PFKFB3: variants seen among roughly 807,000 people sequenced by gnomAD.
The protein encoded by PFKFB3 is 6-phosphofructo-2-kinase/fructose-2,6-bisphosphatase 3.
In PFKFB3, 33 loss-of-function variants were observed where a neutral mutation model predicts 68.0. The ratio of observed to expected loss-of-function variants is 0.49; its 90% CI spans 0.37 to 0.65. The LOEUF (loss-of-function observed/expected upper bound fraction) is 0.65, where lower values mean the gene tolerates loss of function less well. Among genes scored for constraint, PFKFB3 ranks in the 30% least tolerant of loss-of-function variants. The pLI is 0.00. For missense variants in PFKFB3, 586 were observed against 712.2 expected (o/e 0.82, Z 2.02); for synonymous variants, 315 against 288.2 (o/e 1.09, Z -0.94).
upstream of PFKFB3, among the ~76,000 whole-genome samples, chr10:6,201,073 C>T (rs1006635139): frequency 4.6e-5 from 7 of 152,034 alleles, no homozygotes; most frequent in East Asian, 1.4e-3. This position sits in a 1 kb window ranked among gnomAD's most constrained non-coding sequence, Gnocchi z 4.1. Flanking sequence ...GCAGGTGCAC[C>T]GTCATTCCCC....
chr10:6,317,990 C>G, the PFKFB3 span, among the ~76,000 whole-genome samples: 1 of 152,142 alleles, frequency 6.6e-6, no homozygotes, highest in African/African-American at 2.4e-5. Context: ...CAGTGTTACA[C>G]AGAAGCAGCA....
chr10:6,215,192 A>G lies in PFKFB3; in HGVS notation c.203-29A>G. ...GCTGGCCCCTTCCTCCTGCTCGATC[A>G]TCCAGACTGTTCTCTTTCCCGTCCA... On this transcript the variant is annotated intron_variant, in intron 2 of 14. Coordinates refer to ENST00000379775, the MANE Select transcript of PFKFB3 (RefSeq NM_004566.4). This position sits in a 1 kb window ranked among gnomAD's most constrained non-coding sequence, Gnocchi z 4.3. 6.2e-7 allele frequency: 1 copy of G among 1,600,174 alleles called. No individual in the cohort carries two copies. The highest frequency in any genetic ancestry group is 8.6e-7 in the Non-Finnish European group (1 of 1,167,640).
chr10:6,156,755 G>C (rs1160208229), intron 1 of PFKFB3, among the ~76,000 whole-genome samples: 2 of 152,206 alleles, frequency 1.3e-5, no homozygotes, highest in African/African-American at 2.4e-5. Context: ...CAAAGTGCTG[G>C]GATTAGAGTT....
chr10:6,240,163 C>T (rs575343898), downstream of PFKFB3, among the ~76,000 whole-genome samples: 17 of 152,256 alleles, frequency 1.1e-4, no homozygotes, highest in African/African-American at 2.9e-4. Context: ...GGATGCAGGA[C>T]GTTTGCAAGT....
chr10:6,276,399 A>C, the PFKFB3 span, among the ~76,000 whole-genome samples: 116 of 152,122 alleles, frequency 7.6e-4, no homozygotes, highest in African/African-American at 2.6e-3. Flanking sequence ...CTTCAGAAAA[A>C]AAAAAAATCC....
intron 1 of PFKFB3, among the ~76,000 whole-genome samples, chr10:6,171,175 G>A (rs1464230816): frequency 6.6e-6 from 1 of 151,990 alleles, no homozygotes; most frequent in African/African-American, 2.4e-5. Context: ...AGCCTCCCGA[G>A]TAGCTGGGAT....
chr10:6,263,089 G>A, the PFKFB3 span, among the ~76,000 whole-genome samples: 4 of 152,222 alleles, frequency 2.6e-5, no homozygotes, highest in Non-Finnish European at 5.9e-5. Context: ...ATAGCCTTCA[G>A]AGCCGAGAGC....
chr10:6,188,828 ATTTTTTT>A (rs35338599), intron 1 of PFKFB3, among the ~76,000 whole-genome samples: 6 of 113,074 alleles, frequency 5.3e-5, no homozygotes, highest in Non-Finnish European at 7.2e-5. Flanking sequence ...CTTCCTTTTA[ATTTTTTT>A]TTTTTTTTTT....
At chr10:6,211,273 A>C (rs750183626) in intron 1 of PFKFB3, among the ~76,000 whole-genome samples, 8 of 152,198 alleles carry the variant, frequency 5.3e-5, no homozygotes, top group Non-Finnish European at 8.8e-5. Context: ...TCCTATGATT[A>C]GTGGGTAGAC....
chr10:6,231,420 G>A (rs1180768504), intron 14 of PFKFB3: 23 of 1,566,080 alleles, frequency 1.5e-5, no homozygotes, highest in South Asian at 2.3e-5. Context: ...TCTCCATGCC[G>A]AGGTTGTTAA....
chr10:6,149,893 C>T (rs1841521907), intron 1 of PFKFB3: 1 of 152,330 alleles, frequency 6.6e-6, no homozygotes, highest in Non-Finnish European at 1.5e-5. Context: ...ATAATATCCT[C>T]CAGTTCCATC....
At chr10:6,186,296 C>T (rs539631060) in intron 1 of PFKFB3, among the ~76,000 whole-genome samples, 4 of 152,264 alleles carry the variant, frequency 2.6e-5, no homozygotes, top group African/African-American at 9.6e-5. Context: ...ATCACACGAC[C>T]ACATCCTGTG....
chr10:6,179,284 G>C (rs985694990), intron 1 of PFKFB3, among the ~76,000 whole-genome samples: 1 of 152,234 alleles, frequency 6.6e-6, no homozygotes, highest in Admixed American at 6.5e-5. Context: ...TTCCCTCTGG[G>C]GAAGAGCAGT....
chr10:6,324,726 A>T, the PFKFB3 span, among the ~76,000 whole-genome samples: 2,533 of 152,154 alleles, frequency 0.017, 66 homozygotes, highest in African/African-American at 0.058. Flanking sequence ...CACTGCGCCC[A>T]GCTGTTAATG....
Position 6,158,112 on chromosome 10 carries a change from T to C in PFKFB3, c.16+13099T>C, listed in dbSNP as rs376694527. 2.9e-3 allele frequency among the ~76,000 whole-genome samples: 438 copies of C among 151,472 alleles called. 2 individuals are homozygous for C. The highest frequency in any genetic ancestry group is 1.0e-2 in the African/African-American group (411 of 41,304). On this transcript the variant is annotated intron_variant, in intron 1 of 14. Transcript: ENST00000379789. ...CATCCTGGCTAACATGGTGAAACCC[T>C]GCCTCTACTAAAAATAAAAAAAAAA... is the stretch of plus-strand genomic sequence containing the variant.
At chr10:6,264,968 T>C in the PFKFB3 span, among the ~76,000 whole-genome samples, 2 of 152,204 alleles carry the variant, frequency 1.3e-5, no homozygotes, top group Non-Finnish European at 2.9e-5. Flanking sequence ...CTTAATGATG[T>C]CCTTTCTAGC....
the PFKFB3 span, among the ~76,000 whole-genome samples, chr10:6,304,006 G>C: frequency 1.3e-5 from 2 of 152,026 alleles, no homozygotes; most frequent in African/African-American, 4.8e-5. Flanking sequence ...GACACAAGAT[G>C]AAAGGATCCT....
chr10:6,177,599 C>T (rs1354090704), intron 1 of PFKFB3, among the ~76,000 whole-genome samples: 1 of 149,560 alleles, frequency 6.7e-6, no homozygotes, highest in Non-Finnish European at 1.5e-5. Context: ...GATCTCGGCT[C>T]ACTACAACCT....
chr10:6,263,874 T>C, the PFKFB3 span, among the ~76,000 whole-genome samples: 1 of 152,188 alleles, frequency 6.6e-6, no homozygotes, highest in Non-Finnish European at 1.5e-5. Context: ...TTAGTAGAGA[T>C]GAAGTTTTGC....
Sources: allele counts gnomAD v4.1 joint callset (sites outside exome capture counted in the v4.1 genomes callset), GRCh38; gene constraint gnomAD v4.1.1; non-coding constraint Gnocchi (gnomAD v3.1); transcripts MANE v1.5; gene names NCBI Gene and HGNC (gene_info 2026-07-23, HGNC 2026-07-21).